Variants in EVA1A observed in about 807,000 individuals in gnomAD.
EVA1A encodes the protein eva-1 homolog A, regulator of programmed cell death, also known as protein eva-1 homolog A.
A neutral mutation model predicts 9.8 loss-of-function variants in EVA1A; 7 were observed. The observed-to-expected ratio is 0.71, with a 90% CI of 0.41 to 1.34. The LOEUF (loss-of-function observed/expected upper bound fraction) is 1.34. Ranked by LOEUF, EVA1A falls within the 40% of genes most tolerant of loss-of-function variation. EVA1A has a pLI of 0.01. For missense variants in EVA1A, 206 were observed against 205.9 expected, an observed-to-expected ratio of 1.00 and a Z score of 0.00; for synonymous variants, 90 against 85.6, an observed-to-expected ratio of 1.05 and a Z score of -0.28.
intron 3 of EVA1A, among the ~76,000 whole-genome samples, chr2:75,508,982 C>T (rs529406779): frequency 6.6e-6 from 1 of 152,192 alleles, no homozygotes; most frequent in African/African-American, 2.4e-5. Context: ...TCTCACATGA[C>T]TTGATTGATT....
chr2:75,543,462 A>G (rs908218622), intron 1 of EVA1A, among the ~76,000 whole-genome samples: 1 of 152,164 alleles, frequency 6.6e-6, no homozygotes, highest in Admixed American at 6.5e-5. Flanking sequence ...TACAATTATT[A>G]AAACCAGAGA....
chr2:75,542,221 A>C (rs1676151384), intron 1 of EVA1A: 1 of 153,864 alleles, frequency 6.5e-6, no homozygotes, highest in Non-Finnish European at 1.4e-5. Flanking sequence ...AAGTCCAATG[A>C]AACTCTTTCT....
intron 1 of EVA1A, among the ~76,000 whole-genome samples, chr2:75,553,776 A>G (rs1187654763): frequency 2.0e-5 from 3 of 152,214 alleles, no homozygotes; most frequent in Admixed American, 2.0e-4. Flanking sequence ...GAGAATGTCC[A>G]GGCCAACCAT....
chr2:75,505,931 C>T (rs1212994727), intron 3 of EVA1A, among the ~76,000 whole-genome samples: 1 of 152,106 alleles, frequency 6.6e-6, no homozygotes, highest in Non-Finnish European at 1.5e-5. Flanking sequence ...ATCATATAAA[C>T]ATGCACATAC....
chr2:75,545,434 C>A (rs1414444577), intron 1 of EVA1A, among the ~76,000 whole-genome samples: 1 of 152,278 alleles, frequency 6.6e-6, no homozygotes, highest in Non-Finnish European at 1.5e-5. Flanking sequence ...TGAGAACCAT[C>A]TTCCCATAGG....
At chr2:75,531,950 A>C (rs1029048004) in intron 1 of EVA1A, among the ~76,000 whole-genome samples, 1 of 152,086 alleles carries the variant, frequency 6.6e-6, no homozygotes, top group Non-Finnish European at 1.5e-5. Context: ...ACGAGGTCAC[A>C]AGATCGCGAC....
At chr2:75,548,427 G>A (rs1676403220) in intron 1 of EVA1A, among the ~76,000 whole-genome samples, 1 of 152,098 alleles carries the variant, frequency 6.6e-6, no homozygotes, top group Non-Finnish European at 1.5e-5. Context: ...GAGCCACCCT[G>A]CCTGGCCTCC....
chr2:75,542,412 CT>C (rs1676161170), intron 1 of EVA1A: 1 of 152,282 alleles, frequency 6.6e-6, no homozygotes, highest in East Asian at 1.9e-4. Flanking sequence ...AATCAAAGCG[CT>C]TCATGAGTTC....
intron 3 of EVA1A, among the ~76,000 whole-genome samples, chr2:75,506,764 C>A (rs973794510): frequency 2.0e-5 from 3 of 152,244 alleles, no homozygotes; most frequent in African/African-American, 7.2e-5. Context: ...TGGCCAGGAC[C>A]AGAAGGTGCC....
chr2:75,505,707 G>A (rs779330934), intron 3 of EVA1A, among the ~76,000 whole-genome samples: 1 of 151,946 alleles, frequency 6.6e-6, no homozygotes, highest in South Asian at 2.1e-4. Context: ...CCAGCTACTC[G>A]GGAGGCTGAG....
chr2:75,493,024 C>T lies in EVA1A; in HGVS notation c.*212G>A, dbSNP rs1674083331. Reference sequence around the variant, plus strand: ...GGATTTTTCAGCACCATTCCGAGACCTGGAAAGGGTGATGAACTGCTTTGA... The same window carrying T: ...GGATTTTTCAGCACCATTCCGAGACTTGGAAAGGGTGATGAACTGCTTTGA... On this transcript the variant is annotated 3_prime_UTR_variant, in exon 4 of 4. Transcript: ENST00000393913. 4.6e-6 allele frequency: 3 copies of T among 657,118 alleles called. No homozygotes were observed. The Admixed American group carries it at 8.5e-5, about 19-fold the overall frequency. 40.7% of individuals were successfully genotyped at this position (657,118 alleles called of 1,614,324 possible). A position where few individuals can be genotyped will look rare whatever the true frequency, so the allele number is the denominator to read the frequency against.
Position 75,555,336 on chromosome 2 carries a change from T to TCTCTCTCTCTCTCTCTCTCC in EVA1A, c.-192+5343_-192+5344insGGAGAGAGAGAGAGAGAGAG, listed in dbSNP as rs766586263. On this transcript the variant is annotated intron_variant, in intron 1 of 3. Transcript: ENST00000393913. ...CTCTCTCTCTCTCTCTCTCTCTCTC[T>TCTCTCTCTCTCTCTCTCTCC]CCCCCATCTCCCCTTCTTTCCCTCT... 9.1e-3 allele frequency among the ~76,000 whole-genome samples: 933 copies of TCTCTCTCTCTCTCTCTCTCC among 102,240 alleles called. 77 individuals carry two copies. Among genetic ancestry groups the TCTCTCTCTCTCTCTCTCTCC allele is most frequent in the Middle Eastern group, 0.017 (3 of 178 alleles). The allele number at this position is 102,240 out of a possible 152,430, so 67.1% of individuals were successfully genotyped here. A position where few individuals can be genotyped will look rare whatever the true frequency, so the allele number is the denominator to read the frequency against.
chr2:75,501,021 T>C (rs959595397), intron 3 of EVA1A, among the ~76,000 whole-genome samples: 1 of 149,608 alleles, frequency 6.7e-6, no homozygotes, highest in African/African-American at 2.5e-5. Flanking sequence ...CTTATTACTT[T>C]TACAAAAAAA....
chr2:75,498,403 G>A (rs1394279060), intron 3 of EVA1A, among the ~76,000 whole-genome samples: 3 of 152,034 alleles, frequency 2.0e-5, no homozygotes, highest in Non-Finnish European at 4.4e-5. Context: ...TAAGTGATGG[G>A]ATCATTCGTA....
intron 1 of EVA1A, among the ~76,000 whole-genome samples, chr2:75,566,395 C>G (rs1187835471): frequency 6.6e-6 from 1 of 152,002 alleles, no homozygotes; most frequent in East Asian, 1.9e-4. Context: ...TTTACCTGTA[C>G]AAAGGAATAT....
At chr2:75,515,927 G>T (rs1454860301) in intron 3 of EVA1A, among the ~76,000 whole-genome samples, 1 of 152,170 alleles carries the variant, frequency 6.6e-6, no homozygotes, top group Admixed American at 6.5e-5. Context: ...TTTACTCAGA[G>T]TTGGGGTTTC....
intron 1 of EVA1A, among the ~76,000 whole-genome samples, chr2:75,528,058 TAGA>T (rs1380635250): frequency 6.6e-6 from 1 of 152,106 alleles, no homozygotes; most frequent in East Asian, 1.9e-4. Context: ...AATATAAAAG[TAGA>T]AGAAGCAGTG....
intron 2 of EVA1A, chr2:75,518,949 G>T: frequency 1.3e-6 from 1 of 791,374 alleles, no homozygotes; most frequent in Non-Finnish European, 1.5e-6. Flanking sequence ...CCTGCCTCTA[G>T]CTCCATGACT....
intron 1 of EVA1A, among the ~76,000 whole-genome samples, chr2:75,545,538 G>T (rs769373955): frequency 6.6e-6 from 1 of 152,158 alleles, no homozygotes; most frequent in African/African-American, 2.4e-5. Context: ...TAGGGCCAGC[G>T]TAACTGAGGT....
Sources: gnomAD v4.1 joint callset for allele counts (sites outside exome capture counted in the v4.1 genomes callset) on GRCh38, gnomAD v4.1.1 for gene constraint, MANE v1.5 for transcripts, NCBI Gene and HGNC (gene_info 2026-07-23, HGNC 2026-07-21) for gene names.